Variants in ARHGAP32 observed in about 807,000 individuals in gnomAD.
ARHGAP32 encodes the protein rho GTPase-activating protein 32.
In ARHGAP32, 51 loss-of-function variants were observed where a neutral mutation model predicts 186.5. The observed-to-expected ratio is 0.27, with a 90% confidence interval of 0.22 to 0.35. The LOEUF is 0.35. Among genes scored for constraint, ARHGAP32 ranks in the 10% least tolerant of loss-of-function variants. The pLI, the probability that ARHGAP32 is intolerant of heterozygous loss-of-function variation, is 1.00. For missense variants in ARHGAP32, 2,186 were observed against 2,623.5 expected (o/e 0.83, Z 3.64); for synonymous variants, 950 against 964.3 (o/e 0.99, Z 0.27).
intron 11 of ARHGAP32, among the ~76,000 whole-genome samples, chr11:129,000,578 G>A (rs1946329500): frequency 6.6e-6 from 1 of 152,146 alleles, no homozygotes; most frequent in Admixed American, 6.5e-5. Context: ...CAGGGTAAAT[G>A]GGGTATCCAT....
chr11:129,024,084 T>C, intron 11 of ARHGAP32: 1 of 985,502 alleles, frequency 1.0e-6, no homozygotes, highest in Non-Finnish European at 1.2e-6. Context: ...CAGCAGCAGT[T>C]TTCTTGGCCC....
chr11:128,972,691 G>A lies in ARHGAP32; in HGVS notation c.3815C>T (p.Thr1272Ile), dbSNP rs1322907945. The A allele has an allele frequency of 6.2e-7, 1 of 1,614,106 alleles. No homozygotes were observed. The highest frequency in any genetic ancestry group is 8.5e-7 in the Non-Finnish European group (1 of 1,180,016). ...PSGSPEENTS[T>I]ATMTYMTTTP... ...AGTTGTCATGTAAGTCATGGTGGCT[G>A]TGCTGGTATTCTCTTCGGGGGACCC... Residue 1272 changes from threonine (T) to isoleucine (I), a missense_variant, in exon 22 of 23, where the codon ACA (threonine) becomes ATA (isoleucine). Thr to Ile is a moderately conservative substitution (Grantham distance 89). Around this residue, in one of 5 missense-constraint regions of ARHGAP32, gnomAD observed 1,502 missense variants for 1,570.0 expected, o/e 0.96. Coordinates refer to ENST00000682385, the MANE Select transcript of ARHGAP32 (RefSeq NM_001378024.1).
intron 1 of ARHGAP32, among the ~76,000 whole-genome samples, chr11:129,211,201 C>A (rs1944574955): frequency 6.6e-6 from 1 of 152,094 alleles, no homozygotes; most frequent in African/African-American, 2.4e-5. Context: ...TTTTAACTAA[C>A]TGTTTTACTA....
At chr11:129,214,364 C>T (rs1944618721) in intron 1 of ARHGAP32, among the ~76,000 whole-genome samples, 2 of 152,282 alleles carry the variant, frequency 1.3e-5, no homozygotes, top group African/African-American at 4.8e-5. Flanking sequence ...AACGAGAAGT[C>T]TCTGTTCTAT....
chr11:129,275,449 G>A (rs1235540805), intron 1 of ARHGAP32, among the ~76,000 whole-genome samples: 1 of 152,154 alleles, frequency 6.6e-6, no homozygotes, highest in Non-Finnish European at 1.5e-5. Context: ...AAATATCATA[G>A]CTGGTATGTG....
chr11:128,986,169 G>T (rs1363262475), intron 14 of ARHGAP32, 84 bp from the exon 15 acceptor site: 3 of 1,048,214 alleles, frequency 2.9e-6, no homozygotes, highest in African/African-American at 3.2e-5. Flanking sequence ...TTCACTCTGA[G>T]ATCAACTTGC....
At chr11:129,174,690 C>A (rs1341514134) in intron 1 of ARHGAP32, among the ~76,000 whole-genome samples, 3 of 152,200 alleles carry the variant, frequency 2.0e-5, no homozygotes, top group Non-Finnish European at 2.9e-5. Flanking sequence ...AGTCTGACAC[C>A]TCACATGGCC....
At chr11:128,985,468 T>C (rs532404812) in intron 15 of ARHGAP32, among the ~76,000 whole-genome samples, 159 of 152,222 alleles carry the variant, frequency 1.0e-3, no homozygotes, top group Non-Finnish European at 1.8e-3. Context: ...TTTCTTTGCA[T>C]ACTGGAATCT....
intron 1 of ARHGAP32, among the ~76,000 whole-genome samples, chr11:129,211,366 A>G (rs961068416): frequency 6.6e-6 from 1 of 152,186 alleles, no homozygotes; most frequent in Non-Finnish European, 1.5e-5. Flanking sequence ...AGCAAAAACA[A>G]TTGTATAAAA....
intron 12 of ARHGAP32, among the ~76,000 whole-genome samples, chr11:128,991,081 G>A (rs532711663): frequency 2.0e-5 from 3 of 152,092 alleles, no homozygotes; most frequent in Middle Eastern, 3.4e-3. Context: ...AAAAAGTATC[G>A]GTAATTTTCA....
chr11:129,106,445 C>T (rs1193994409), intron 5 of ARHGAP32, among the ~76,000 whole-genome samples: 2 of 152,112 alleles, frequency 1.3e-5, no homozygotes, highest in Non-Finnish European at 2.9e-5. Flanking sequence ...ACCAGACGTT[C>T]TCACTCATAA....
At chr11:128,978,690 A>G in intron 19 of ARHGAP32, 80 bp downstream of exon 19, 1 of 1,437,598 alleles carries the variant, frequency 7.0e-7, no homozygotes, top group South Asian at 1.5e-5. Context: ...AGCAGATCAT[A>G]ACAATATGTG....
chr11:129,124,512 A>C (rs1052795195), intron 3 of ARHGAP32, among the ~76,000 whole-genome samples: 7 of 152,278 alleles, frequency 4.6e-5, no homozygotes, highest in African/African-American at 1.7e-4. Context: ...AATGAATGAG[A>C]GCATGCACTA....
chr11:129,139,926 C>A (rs922567782), intron 2 of ARHGAP32, among the ~76,000 whole-genome samples: 1 of 152,028 alleles, frequency 6.6e-6, no homozygotes, highest in African/African-American at 2.4e-5. Context: ...TCTCCCTTGC[C>A]CCCCAAGATT....
rs575484408 is a variant in ARHGAP32 at position 129,056,185 on chromosome 11, T to C, written c.963+6095A>G. The stretch of plus-strand genomic sequence containing the variant: ...AGCAAATGTGAATGACGGGAAGGTA[T>C]AGGTGAGGGGAGTGGGCAGGGGTAT... On this transcript the variant is annotated intron_variant, in intron 10 of 22. Transcript: ENST00000682385. Among the ~76,000 whole-genome samples the C allele has an allele frequency of 2.5e-4, 38 of 152,300 alleles. No individual in the cohort carries two copies. In the South Asian group the frequency reaches 7.5e-3, roughly 30 times the overall value.
chr11:129,181,973 A>C (rs1249940088), intron 1 of ARHGAP32, among the ~76,000 whole-genome samples: 3 of 152,168 alleles, frequency 2.0e-5, no homozygotes, highest in Non-Finnish European at 2.9e-5. Context: ...GTATGAAAAA[A>C]TACAGCCACA....
At chr11:129,162,956 G>T (rs1943561316) in intron 2 of ARHGAP32, among the ~76,000 whole-genome samples, 1 of 152,090 alleles carries the variant, frequency 6.6e-6, no homozygotes, top group Non-Finnish European at 1.5e-5. Context: ...AGGTCCAGTA[G>T]GGTTTTTCAG....
intron 1 of ARHGAP32, among the ~76,000 whole-genome samples, chr11:129,247,837 C>T (rs2135681615): frequency 6.6e-6 from 1 of 152,288 alleles, no homozygotes; most frequent in African/African-American, 2.4e-5. Context: ...ATGCAATGGG[C>T]TGATCCCTCT....
At chr11:129,158,983 G>C (rs1313372790) in intron 2 of ARHGAP32, among the ~76,000 whole-genome samples, 1 of 152,180 alleles carries the variant, frequency 6.6e-6, no homozygotes. Context: ...AATTAAGGCA[G>C]AAATAAATAA....
Sources: allele counts gnomAD v4.1 joint callset (sites outside exome capture counted in the v4.1 genomes callset), GRCh38; gene constraint gnomAD v4.1.1; regional missense constraint gnomAD v4.1.1; transcripts MANE v1.5; gene names NCBI Gene and HGNC (gene_info 2026-07-23, HGNC 2026-07-21).